Variants in SEMA6D observed in about 807,000 individuals in gnomAD.
SEMA6D encodes the protein semaphorin-6D.
SEMA6D carries 35 observed loss-of-function variants against 106.6 expected under a neutral mutation model. The observed-to-expected ratio is 0.33, with a 90% CI of 0.25 to 0.44. SEMA6D has a LOEUF of 0.44. SEMA6D is among the 20% of genes least tolerant of loss of function. SEMA6D has a pLI of 1.00. For missense variants in SEMA6D, 1,185 were observed against 1,345.9 expected (o/e 0.88, Z 1.87); for synonymous variants, 499 against 487.7 (o/e 1.02, Z -0.31).
At chr15:47,295,026 A>C (rs2035749185) in intron 1 of SEMA6D, among the ~76,000 whole-genome samples, 2 of 152,202 alleles carry the variant, frequency 1.3e-5, no homozygotes, top group African/African-American at 4.8e-5. Flanking sequence ...CCTAGGCTTT[A>C]ACAGAGTAGG....
At chr15:47,730,881 C>T (rs2080076041) in intron 1 of SEMA6D, 9 of 1,059,336 alleles carry the variant, frequency 8.5e-6, no homozygotes, top group East Asian at 4.8e-5. Flanking sequence ...TGCTTCTTCA[C>T]GACTGCAGGG....
At chr15:47,185,870 T>C (rs1452817051) in intron 1 of SEMA6D, 1 of 152,094 alleles carries the variant, frequency 6.6e-6, no homozygotes. Flanking sequence ...GGAGGATGCA[T>C]TTTGCTGGGA....
At position 47,602,309 on chromosome 15, in the gene SEMA6D, A is replaced by G. The variant is rs1011670153; in HGVS notation, c.-55+1413A>G. On this transcript the variant is annotated intron_variant, in intron 4 of 19. Transcript: ENST00000558014. ...AGGAAGTATAATTACATTACAGGCA[A>G]TCTCATCTAAGGTAATTACAATTGT... 2.6e-5 allele frequency among the ~76,000 whole-genome samples: 4 copies of G among 152,268 alleles called. No individual in the cohort carries two copies. In the South Asian group the frequency reaches 8.3e-4, roughly 32 times the overall value.
intron 3 of SEMA6D, among the ~76,000 whole-genome samples, chr15:47,552,525 T>TAC (rs144968308): frequency 0.23 from 29,690 of 129,320 alleles, 3,690 homozygotes; most frequent in East Asian, 0.41. Flanking sequence ...TATATATGTA[T>TAC]ACACACACAC....
rs71467634 is a variant in SEMA6D at position 47,724,366 on chromosome 15, T to C, written c.-55+6674T>C. Among the ~76,000 whole-genome samples the C allele has an allele frequency of 5.1e-3, 779 of 152,356 alleles. 5 individuals are homozygous for C. The highest frequency in any genetic ancestry group is 0.011 in the South Asian group (51 of 4,832). ...ACACAATTCCAGAGGTCAGGGATCTTACTGCGTGCTGTAGGAAAAACAAGG... is the reference window on the plus strand; with the variant it reads ...ACACAATTCCAGAGGTCAGGGATCTCACTGCGTGCTGTAGGAAAAACAAGG... On this transcript the variant is annotated intron_variant, in intron 1 of 18. Coordinates refer to ENST00000536845, the MANE Select transcript of SEMA6D (RefSeq NM_001358351.3).
chr15:47,657,487 A>G lies in SEMA6D; in HGVS notation c.-55+56591A>G, dbSNP rs547072992. ...CTTCCATTTTAACTTTGAACTAGGG[A>G]TTACAGGTATATAAGGAAGTTACTA... On this transcript the variant is annotated intron_variant, in intron 4 of 19. Coordinates refer to the SEMA6D transcript ENST00000558014. Among the ~76,000 whole-genome samples, 5 of 152,132 alleles carry G rather than the reference A, an allele frequency of 3.3e-5. No individual in the cohort carries two copies. In the East Asian group the frequency reaches 5.8e-4, roughly 18 times the overall value.
chr15:47,652,334 T>G (rs1197523436), intron 4 of SEMA6D, among the ~76,000 whole-genome samples: 2 of 152,210 alleles, frequency 1.3e-5, no homozygotes, highest in Non-Finnish European at 2.9e-5. Flanking sequence ...AGCTAGTACC[T>G]TAAGGGTTAA....
chr15:47,596,224 A>C (rs2076533068), intron 3 of SEMA6D, among the ~76,000 whole-genome samples: 1 of 152,164 alleles, frequency 6.6e-6, no homozygotes, highest in African/African-American at 2.4e-5. Context: ...GAATACATTT[A>C]ACCAAAGAGG....
chr15:47,389,880 A>T (rs1057269264), intron 1 of SEMA6D, among the ~76,000 whole-genome samples: 5 of 152,160 alleles, frequency 3.3e-5, no homozygotes, highest in African/African-American at 1.2e-4. Context: ...TTCTATCCAA[A>T]AAGACTATTC....
At chr15:47,367,725 C>A (rs385785) in intron 1 of SEMA6D, among the ~76,000 whole-genome samples, 58 of 21,224 alleles carry the variant, frequency 2.7e-3, no homozygotes, top group East Asian at 5.9e-3. Flanking sequence ...CACACACACA[C>A]ACAGAGAGAG....
intron 1 of SEMA6D, among the ~76,000 whole-genome samples, chr15:47,329,377 A>G (rs2037253555): frequency 6.6e-6 from 1 of 152,236 alleles, no homozygotes; most frequent in African/African-American, 2.4e-5. Flanking sequence ...CAAAGGCAGC[A>G]TGGTTCTTGT....
At chr15:47,440,196 G>A (rs1218162033) in intron 2 of SEMA6D, among the ~76,000 whole-genome samples, 3 of 152,022 alleles carry the variant, frequency 2.0e-5, no homozygotes, top group Non-Finnish European at 4.4e-5. Flanking sequence ...ATATGAGCAA[G>A]AGAGAAATAC....
At chr15:47,699,496 G>A (rs1379704446) in intron 4 of SEMA6D, among the ~76,000 whole-genome samples, 1 of 152,134 alleles carries the variant, frequency 6.6e-6, no homozygotes, top group Non-Finnish European at 1.5e-5. Context: ...AATCACCTCT[G>A]AAAAAGACCT....
chr15:47,398,843 C>T (rs1419769515), intron 1 of SEMA6D, among the ~76,000 whole-genome samples: 1 of 152,126 alleles, frequency 6.6e-6, no homozygotes. Flanking sequence ...TAAGGACCCT[C>T]ATCCATGGAG....
intron 1 of SEMA6D, among the ~76,000 whole-genome samples, chr15:47,236,793 AG>A (rs1330695339): frequency 2.0e-5 from 3 of 152,184 alleles, no homozygotes; most frequent in Non-Finnish European, 4.4e-5. Flanking sequence ...TCCTTTAGGA[AG>A]GGGAAGGACA....
intron 3 of SEMA6D, among the ~76,000 whole-genome samples, chr15:47,552,358 G>A (rs372506262): frequency 6.6e-6 from 1 of 152,002 alleles, no homozygotes; most frequent in South Asian, 2.1e-4. Context: ...TAGAAGATAT[G>A]GTAGTAGGTG....
At chr15:47,494,818 C>G (rs1354664182) in intron 3 of SEMA6D, among the ~76,000 whole-genome samples, 1 of 141,510 alleles carries the variant, frequency 7.1e-6, no homozygotes, top group East Asian at 2.1e-4. Flanking sequence ...CACACACACA[C>G]ACACACACAC....
At chr15:47,227,615 A>G (rs2031829867) in intron 1 of SEMA6D, among the ~76,000 whole-genome samples, 1 of 146,284 alleles carries the variant, frequency 6.8e-6, no homozygotes, top group African/African-American at 2.5e-5. Context: ...GCATGCATAC[A>G]TCTTCTTCTA....
chr15:47,760,950 A>T, intron 3 of SEMA6D, 28 bp from the exon 4 acceptor site: 2 of 1,590,718 alleles, frequency 1.3e-6, no homozygotes, highest in African/African-American at 2.7e-5. Context: ...TATTCACGTG[A>T]TATGTTTTAT....
Sources: allele counts gnomAD v4.1 joint callset (sites outside exome capture counted in the v4.1 genomes callset), GRCh38; gene constraint gnomAD v4.1.1; transcripts MANE v1.5; gene names NCBI Gene and HGNC (gene_info 2026-07-23, HGNC 2026-07-21).